The following MAP2K4 variants were observed in gnomAD, a reference collection of about 807,000 sequenced individuals.
The protein encoded by MAP2K4 is mitogen-activated protein kinase kinase 4.
MAP2K4 carries 4 observed loss-of-function variants against 48.5 expected under a neutral mutation model. That is an observed-to-expected ratio of 0.08 (90% CI 0.04 to 0.19). The LOEUF (loss-of-function observed/expected upper bound fraction) is 0.19. MAP2K4 is among the 10% of genes least tolerant of loss of function. MAP2K4 has a pLI of 1.00. For synonymous variants in MAP2K4, 166 were observed against 173.1 expected (o/e 0.96, Z 0.32); for missense variants, 258 against 493.3 (o/e 0.52, Z 4.52).
chr17:12,102,348 C>G (rs527389402), intron 4 of MAP2K4, among the ~76,000 whole-genome samples: 1 of 152,102 alleles, frequency 6.6e-6, no homozygotes, highest in South Asian at 2.1e-4. Context: ...GCTTTTATTT[C>G]TGGGAGAAAT....
chr17:12,124,567 T>C (rs1277784557), intron 7 of MAP2K4: 1 of 152,246 alleles, frequency 6.6e-6, no homozygotes, highest in East Asian at 1.9e-4. Flanking sequence ...TATTGTGGTA[T>C]GGCCTCATCC....
At chr17:12,091,473 A>G (rs1971561149) in intron 3 of MAP2K4, among the ~76,000 whole-genome samples, 1 of 152,226 alleles carries the variant, frequency 6.6e-6, no homozygotes, top group Non-Finnish European at 1.5e-5. Flanking sequence ...GGCCTAATCC[A>G]TACAGAACTC....
intron 4 of MAP2K4, among the ~76,000 whole-genome samples, chr17:12,105,032 G>A (rs892428914): frequency 6.6e-6 from 1 of 152,106 alleles, no homozygotes; most frequent in Non-Finnish European, 1.5e-5. Context: ...TCATATATCA[G>A]ATTTCTGTCT....
At chr17:12,050,040 T>C (rs1314577767) in intron 1 of MAP2K4, among the ~76,000 whole-genome samples, 1 of 152,208 alleles carries the variant, frequency 6.6e-6, no homozygotes, top group East Asian at 1.9e-4. Context: ...TATGGTGATA[T>C]CAGTGGAGTT....
At chr17:12,051,832 C>T (rs1362133898) in intron 1 of MAP2K4, among the ~76,000 whole-genome samples, 1 of 151,300 alleles carries the variant, frequency 6.6e-6, no homozygotes, top group Non-Finnish European at 1.5e-5. Context: ...TTGAGGGACC[C>T]TTGAAAAAGA....
rs184247406 is a variant in MAP2K4, at chr17:12,051,844, G to A, written c.116-3045G>A. On this transcript the variant is annotated intron_variant, in intron 1 of 10. Coordinates refer to ENST00000353533, the MANE Select transcript of MAP2K4 (RefSeq NM_003010.4). ...TTTTTGAGGGACCCTTGAAAAAGAA[G>A]TAAAGGAGAGAAGGACCCAGCCCCA... Among the ~76,000 whole-genome samples, 287 of 151,914 alleles carry A rather than the reference G, an allele frequency of 1.9e-3. 1 individual carries two copies. Among genetic ancestry groups the A allele is most frequent in the African/African-American group, 6.7e-3 (276 of 41,444 alleles).
intron 2 of MAP2K4, among the ~76,000 whole-genome samples, chr17:12,056,132 A>G (rs1970276075): frequency 6.6e-6 from 1 of 152,126 alleles, no homozygotes; most frequent in Non-Finnish European, 1.5e-5. Context: ...AAGCTAGTGC[A>G]AAACTAATTC....
intron 1 of MAP2K4, among the ~76,000 whole-genome samples, chr17:12,040,900 T>C (rs1449181056): frequency 6.6e-6 from 1 of 152,232 alleles, no homozygotes; most frequent in Non-Finnish European, 1.5e-5. Flanking sequence ...CTATTCCTGT[T>C]CCATCATCTA....
At chr17:12,138,682 G>A (rs1318168954) in intron 9 of MAP2K4, among the ~76,000 whole-genome samples, 2 of 152,108 alleles carry the variant, frequency 1.3e-5, no homozygotes, top group African/African-American at 2.4e-5. Flanking sequence ...TTGGATGCCT[G>A]GAAAGCAGGC....
chr17:12,044,941 C>T (rs932269869), intron 1 of MAP2K4, among the ~76,000 whole-genome samples: 1 of 152,228 alleles, frequency 6.6e-6, no homozygotes, highest in East Asian at 1.9e-4. Flanking sequence ...CCAAAAAATA[C>T]ATCACCTTGG....
chr17:12,058,263 C>T (rs1970346229), intron 2 of MAP2K4, among the ~76,000 whole-genome samples: 3 of 146,420 alleles, frequency 2.0e-5, no homozygotes, highest in South Asian at 2.1e-4. Flanking sequence ...CAGGGTCTCA[C>T]TATATTGCCC....
intron 9 of MAP2K4, among the ~76,000 whole-genome samples, chr17:12,136,167 G>A (rs1332864680): frequency 6.6e-6 from 1 of 151,942 alleles, no homozygotes. Context: ...AAAAAATAAA[G>A]TCAAGTGGAA....
intron 2 of MAP2K4, among the ~76,000 whole-genome samples, chr17:12,061,329 GT>G (rs1402231242): frequency 6.6e-6 from 1 of 152,146 alleles, no homozygotes; most frequent in African/African-American, 2.4e-5. Context: ...TAATGTTACA[GT>G]TTAGGGATAT....
At chr17:12,121,008 A>T (rs1972670132) in intron 7 of MAP2K4, among the ~76,000 whole-genome samples, 1 of 152,192 alleles carries the variant, frequency 6.6e-6, no homozygotes, top group Non-Finnish European at 1.5e-5. Flanking sequence ...ATTTGTGTGA[A>T]CAAGTGTAAG....
intron 9 of MAP2K4, among the ~76,000 whole-genome samples, chr17:12,134,294 A>G (rs866479871): frequency 2.1e-4 from 32 of 152,342 alleles, no homozygotes; most frequent in South Asian, 1.9e-3. Flanking sequence ...GGAGAATTGT[A>G]CCTAAGAAAT....
intron 1 of MAP2K4, among the ~76,000 whole-genome samples, chr17:12,033,662 TTC>T (rs759860836): frequency 3.3e-5 from 5 of 152,230 alleles, no homozygotes; most frequent in Non-Finnish European, 5.9e-5. Flanking sequence ...AAGTTACAAC[TTC>T]TGTTTTATGC....
chr17:12,029,618 A>G (rs1423025369), intron 1 of MAP2K4, among the ~76,000 whole-genome samples: 2 of 152,172 alleles, frequency 1.3e-5, no homozygotes, highest in African/African-American at 4.8e-5. Flanking sequence ...GGAAGTCAGA[A>G]TTTCGGAGAC....
intron 9 of MAP2K4, among the ~76,000 whole-genome samples, chr17:12,135,515 TGAGCCA>T (rs1973177122): frequency 6.6e-6 from 1 of 152,176 alleles, no homozygotes; most frequent in African/African-American, 2.4e-5. Context: ...TACAGTGGCG[TGAGCCA>T]CTGTACCTGG....
chr17:12,025,582 G>T (rs1969228089), intron 1 of MAP2K4, among the ~76,000 whole-genome samples: 1 of 152,186 alleles, frequency 6.6e-6, no homozygotes. Context: ...AGTATATGTT[G>T]TAGGTGCCTC....
Sources: gnomAD v4.1 joint callset for allele counts (sites outside exome capture counted in the v4.1 genomes callset) on GRCh38, gnomAD v4.1.1 for gene constraint, MANE v1.5 for transcripts, NCBI Gene and HGNC (gene_info 2026-07-23, HGNC 2026-07-21) for gene names.